MYLK: variants seen among roughly 807,000 people sequenced by gnomAD.
The protein encoded by MYLK is myosin light chain kinase.
MYLK carries 106 observed loss-of-function variants against 203.4 expected under a neutral mutation model. That is an observed-to-expected ratio of 0.52 (90% confidence interval 0.45 to 0.61). MYLK has a LOEUF of 0.61. Ranked by LOEUF, MYLK falls within the 20% of genes least tolerant of loss-of-function variation. The pLI, the probability that MYLK is intolerant of heterozygous loss-of-function variation, is 0.00. For missense variants in MYLK, 2,072 were observed against 2,442.3 expected, an observed-to-expected ratio of 0.85 and a Z score of 3.20; for synonymous variants, 867 against 959.5, an observed-to-expected ratio of 0.90 and a Z score of 1.78.
At chr3:123,838,197 T>C (rs1196723527) in intron 2 of MYLK, among the ~76,000 whole-genome samples, 2 of 152,096 alleles carry the variant, frequency 1.3e-5, no homozygotes, top group East Asian at 3.9e-4. Context: ...AGGGAATACA[T>C]GAAAGCATAC....
At chr3:123,693,184 T>C (rs536833120) in intron 18 of MYLK, among the ~76,000 whole-genome samples, 10 of 152,116 alleles carry the variant, frequency 6.6e-5, no homozygotes, top group Non-Finnish European at 1.3e-4. Context: ...TACAAGGAGA[T>C]GCACACAGGC....
chr3:123,781,106 A>G (rs2064281235), intron 4 of MYLK, among the ~76,000 whole-genome samples: 1 of 152,250 alleles, frequency 6.6e-6, no homozygotes, highest in Non-Finnish European at 1.5e-5. Flanking sequence ...CAGGGAATGT[A>G]GGGCCTGGCA....
chr3:123,793,268 A>G (rs1201404690), intron 4 of MYLK, among the ~76,000 whole-genome samples: 13 of 152,218 alleles, frequency 8.5e-5, no homozygotes, highest in Admixed American at 8.5e-4. Context: ...AAGGTCGGCT[A>G]ACTAAACTCT....
intron 20 of MYLK, among the ~76,000 whole-genome samples, chr3:123,672,190 A>T (rs2059933495): frequency 7.1e-6 from 1 of 140,218 alleles, no homozygotes; most frequent in South Asian, 2.6e-4. Flanking sequence ...GGAAGAAGAG[A>T]GACAGGGGCA....
rs200918890 is a variant in MYLK, at chr3:123,626,806, C to A, written c.5238+12G>T. 50 of 1,614,038 alleles carry A rather than the reference C, an allele frequency of 3.1e-5. No individual in the cohort carries two copies. Among genetic ancestry groups the A allele is most frequent in the Non-Finnish European group, 3.9e-5 (46 of 1,180,010 alleles). Reference sequence around the variant, plus strand: ...GGGGCAACATCCCAGTCCAAAGTGACCCTCTCATTACCTGCCATTTCCTTC... The same window carrying A: ...GGGGCAACATCCCAGTCCAAAGTGAACCTCTCATTACCTGCCATTTCCTTC... On this transcript the variant is annotated intron_variant, in intron 31 of 33. Coordinates refer to ENST00000360304, the MANE Select transcript of MYLK (RefSeq NM_053025.4).
chr3:123,737,122 G>A, intron 8 of MYLK: 1 of 487,910 alleles, frequency 2.0e-6, no homozygotes, highest in Non-Finnish European at 3.7e-6. Flanking sequence ...AGGAGGCTGA[G>A]GCAGGAGAAT....
In MYLK at chr3:123,614,028, GTT is replaced by G. The variant is rs35930843; in HGVS notation, c.*75_*76del. The G allele has an allele frequency of 3.3e-3, 4,238 of 1,279,466 alleles. No homozygotes were observed. The highest frequency in any genetic ancestry group is 8.6e-3 in the African/African-American group (545 of 63,708). The allele number at this position is 1,279,466 out of a possible 1,614,324, so 79.3% of individuals were successfully genotyped here. ...ACACTAGGTGCTTTTACTATCTTGA[GTT>G]TTTTTTTTTTTTTTGAGTTTTAGAG... On this transcript the variant is annotated 3_prime_UTR_variant, in exon 34 of 34. Coordinates refer to ENST00000360304, the MANE Select transcript of MYLK (RefSeq NM_053025.4).
Position 123,760,576 on chromosome 3 carries a change from A to AT in MYLK, c.166-8039dup, listed in dbSNP as rs535924427. Among the ~76,000 whole-genome samples, 184 of 151,054 alleles carry AT rather than the reference A, an allele frequency of 1.2e-3. 3 individuals carry two copies. Among genetic ancestry groups the AT allele is most frequent in the South Asian group, 0.01 (50 of 4,770 alleles). ...TCTCTTCTTTTCTTCAAAGTCAACA[A>AT]TTTTTTTTTTATAATGAGGTACCCT... On this transcript the variant is annotated intron_variant, in intron 4 of 33. Coordinates refer to ENST00000360304, the MANE Select transcript of MYLK (RefSeq NM_053025.4).
intron 2 of MYLK, among the ~76,000 whole-genome samples, chr3:123,863,639 A>C (rs951274859): frequency 7.9e-5 from 12 of 152,326 alleles, no homozygotes; most frequent in Admixed American, 5.9e-4. Flanking sequence ...AATGCAAATT[A>C]CAACTATAAT....
At chr3:123,770,784 A>C (rs1028606415) in intron 4 of MYLK, among the ~76,000 whole-genome samples, 1 of 152,244 alleles carries the variant, frequency 6.6e-6, no homozygotes, top group Non-Finnish European at 1.5e-5. Context: ...ATAAAAGTCT[A>C]CATGCTATGT....
chr3:123,882,598 C>T (rs1171611242), intron 1 of MYLK, among the ~76,000 whole-genome samples: 4 of 152,140 alleles, frequency 2.6e-5, no homozygotes, highest in African/African-American at 7.2e-5. Flanking sequence ...GTCCAGCATC[C>T]TTTGTATCAT....
At chr3:123,615,797 C>T (rs1424657840) in intron 33 of MYLK, among the ~76,000 whole-genome samples, 1 of 151,714 alleles carries the variant, frequency 6.6e-6, no homozygotes, top group African/African-American at 2.4e-5. Flanking sequence ...TACAGGTACA[C>T]ACCACCACAC....
rs1401139381 is a variant in MYLK at position 123,700,959 on chromosome 3, C to G, written c.2509G>C (p.Gly837Arg). 2 of 1,609,804 alleles carry G rather than the reference C, an allele frequency of 1.2e-6. No homozygotes were observed. The highest frequency in any genetic ancestry group is 1.3e-5 in the African/African-American group (1 of 74,932). ...SCEDLCGGGV[G>R]ADGGGSDRYG... is the part of the protein sequence containing the mutation. Reference sequence around the variant, plus strand: ...CGGTCACTACCACCACCATCAGCACCAACTCCTCCACCACAGAGGTCCTCG... The same window carrying G: ...CGGTCACTACCACCACCATCAGCACGAACTCCTCCACCACAGAGGTCCTCG... The change falls in exon 18 of 34, where the codon GGT becomes CGT. Residue 837 changes from glycine to arginine, a missense_variant. This residue lies in a region of MYLK where 865 missense variants were observed against 1,016.0 expected (regional missense o/e 0.85). Transcript: ENST00000360304.
chr3:123,806,829 A>AT (rs1257963924), intron 3 of MYLK, among the ~76,000 whole-genome samples: 2 of 151,764 alleles, frequency 1.3e-5, no homozygotes, highest in East Asian at 3.9e-4. Context: ...CACCTGGCTA[A>AT]TTTTTTTGTA....
At chr3:123,856,982 C>T (rs1017404006) in intron 2 of MYLK, among the ~76,000 whole-genome samples, 5 of 152,074 alleles carry the variant, frequency 3.3e-5, no homozygotes, top group East Asian at 1.9e-4. Context: ...AAAAAGTGGG[C>T]GAAGGACATG....
At chr3:123,730,804 G>A (rs971589829) in intron 11 of MYLK, among the ~76,000 whole-genome samples, 2 of 152,154 alleles carry the variant, frequency 1.3e-5, no homozygotes, top group African/African-American at 4.8e-5. Flanking sequence ...TTTGGGAGGG[G>A]TAGTGAAAAT....
intron 13 of MYLK, among the ~76,000 whole-genome samples, chr3:123,711,801 A>G (rs1478550649): frequency 1.3e-5 from 2 of 152,228 alleles, no homozygotes; most frequent in African/African-American, 2.4e-5. Flanking sequence ...TCTTCTCAAC[A>G]CAGGACCACA....
chr3:123,724,854 C>T (rs566672024), intron 12 of MYLK, among the ~76,000 whole-genome samples: 122 of 152,260 alleles, frequency 8.0e-4, no homozygotes, highest in South Asian at 7.7e-3. Flanking sequence ...AAGCGATTCT[C>T]CTGCCTAGCC....
chr3:123,726,726 G>A (rs1199442029), intron 11 of MYLK, among the ~76,000 whole-genome samples: 2 of 152,122 alleles, frequency 1.3e-5, no homozygotes, highest in African/African-American at 4.8e-5. Context: ...GCACATTCTG[G>A]TTGAGAACTG....
Sources: gnomAD v4.1 joint callset for allele counts (sites outside exome capture counted in the v4.1 genomes callset) on GRCh38, gnomAD v4.1.1 for gene constraint, gnomAD v4.1.1 regional missense constraint, MANE v1.5 for transcripts, NCBI Gene and HGNC (gene_info 2026-07-23, HGNC 2026-07-21) for gene names.